The following DIPK1A variants were observed in gnomAD, a reference collection of about 807,000 sequenced individuals.
DIPK1A encodes family with sequence similarity 69 member A.
DIPK1A carries 27 observed loss-of-function variants against 40.8 expected under a neutral mutation model. The observed-to-expected ratio is 0.66, with a 90% CI of 0.49 to 0.91. The LOEUF (loss-of-function observed/expected upper bound fraction) is 0.91. Ranked by LOEUF, DIPK1A falls within the 40% of genes least tolerant of loss-of-function variation. The pLI is 0.00. For synonymous variants in DIPK1A, 166 were observed against 171.3 expected, an observed-to-expected ratio of 0.97 and a Z score of 0.24; for missense variants, 412 against 505.7, an observed-to-expected ratio of 0.81 and a Z score of 1.78.
chr1:92,879,179 CA>C (rs1392377903), intron 1 of DIPK1A, among the ~76,000 whole-genome samples: 1 of 151,454 alleles, frequency 6.6e-6, no homozygotes, highest in Non-Finnish European at 1.5e-5. Context: ...GACCCTGTTG[CA>C]AAAAAAGAGA....
rs1431055695 is a variant in DIPK1A, at chr1:92,961,452, G to A, written c.-23C>T. 2.0e-6 allele frequency: 3 copies of A among 1,476,776 alleles called. No individual in the cohort carries two copies. Among genetic ancestry groups the A allele is most frequent in the Non-Finnish European group, 2.7e-6 (3 of 1,106,624 alleles). 91.5% of individuals were successfully genotyped at this position (1,476,776 alleles called of 1,614,324 possible). A position where few individuals can be genotyped will look rare whatever the true frequency, so the allele number is the denominator to read the frequency against. On this transcript the variant is annotated 5_prime_UTR_variant, in exon 1 of 5. Transcript: ENST00000370310. ...CATGGTAATCACACATCGCCCCGCC[G>A]CGCTGCAGTCAGAGGCGGACCCGAG...
intron 1 of DIPK1A, among the ~76,000 whole-genome samples, chr1:92,935,493 G>A (rs1163853355): frequency 1.3e-5 from 2 of 151,874 alleles, no homozygotes; most frequent in African/African-American, 4.8e-5. Context: ...TAAAAATTAC[G>A]GCTCAATATA....
At chr1:92,895,988 C>T (rs1226320544) in intron 1 of DIPK1A, among the ~76,000 whole-genome samples, 1 of 152,044 alleles carries the variant, frequency 6.6e-6, no homozygotes, top group East Asian at 1.9e-4. Context: ...CAAACCACTG[C>T]TCAAGGAAAT....
intron 1 of DIPK1A, among the ~76,000 whole-genome samples, chr1:92,943,100 T>C (rs980029257): frequency 6.6e-5 from 10 of 152,214 alleles, no homozygotes; most frequent in African/African-American, 2.4e-4. Flanking sequence ...TAAAGATACA[T>C]GTTTGCTACT....
intron 2 of DIPK1A, among the ~76,000 whole-genome samples, chr1:92,865,609 C>T (rs1462158080): frequency 6.6e-6 from 1 of 152,168 alleles, no homozygotes; most frequent in Non-Finnish European, 1.5e-5. Flanking sequence ...TTATCCATCT[C>T]ACTAGAGTCA....
chr1:92,843,181 T>TAAAAGGGCAGGAATGA lies in DIPK1A; in HGVS notation c.*186_*201dup. On this transcript the variant is annotated 3_prime_UTR_variant, in exon 5 of 5. Transcript: ENST00000370310. ...TACTTCGGAGATGTAACAGGGCTTC[T>TAAAAGGGCAGGAATGA]AAAAGGGCAGGAATGACATCTTGGG... The TAAAAGGGCAGGAATGA allele has an allele frequency of 7.5e-7, 1 of 1,334,416 alleles. No individual in the cohort carries two copies. Among genetic ancestry groups the TAAAAGGGCAGGAATGA allele is most frequent in the Non-Finnish European group, 9.6e-7 (1 of 1,039,400 alleles). 82.7% of individuals were successfully genotyped at this position (1,334,416 alleles called of 1,614,324 possible).
chr1:92,959,966 G>C (rs928605954), intron 1 of DIPK1A, among the ~76,000 whole-genome samples: 1 of 116,090 alleles, frequency 8.6e-6, no homozygotes, highest in African/African-American at 3.4e-5. Flanking sequence ...ATGTTGCCCA[G>C]GCTGGTCTCA....
chr1:92,904,645 TTTTC>T (rs1463339320), intron 1 of DIPK1A, among the ~76,000 whole-genome samples: 1 of 152,090 alleles, frequency 6.6e-6, no homozygotes, highest in Non-Finnish European at 1.5e-5. Flanking sequence ...AGCATTTATT[TTTTC>T]TTTATGTTAT....
chr1:92,911,376 C>A (rs182293322), intron 1 of DIPK1A, among the ~76,000 whole-genome samples: 10 of 152,246 alleles, frequency 6.6e-5, no homozygotes, highest in Admixed American at 5.9e-4. Flanking sequence ...TCTGCAGGTA[C>A]CTTGTTCTTG....
intron 1 of DIPK1A, among the ~76,000 whole-genome samples, chr1:92,939,154 G>A (rs564369953): frequency 3.0e-4 from 46 of 151,984 alleles, no homozygotes; most frequent in Middle Eastern, 3.4e-3. Context: ...TGCCCACCTC[G>A]GCCTCTCAAA....
At position 92,926,285 on chromosome 1, in the gene DIPK1A, T is replaced by C. The variant is rs148180304; in HGVS notation, c.54+35091A>G. 8.7e-3 allele frequency among the ~76,000 whole-genome samples: 1,322 copies of C among 152,342 alleles called. 11 individuals are homozygous for C. Among genetic ancestry groups the C allele is most frequent in the Non-Finnish European group, 0.012 (800 of 68,022 alleles). On this transcript the variant is annotated intron_variant, in intron 1 of 4. Coordinates refer to ENST00000370310, the MANE Select transcript of DIPK1A (RefSeq NM_001006605.5). ...ATTCAGTTCAAAATATTTTCAGAAATACACTATCTAATTTCCAAATCTTTG... is the reference window on the plus strand; with the variant it reads ...ATTCAGTTCAAAATATTTTCAGAAACACACTATCTAATTTCCAAATCTTTG...
intron 2 of DIPK1A, among the ~76,000 whole-genome samples, chr1:92,857,920 G>A (rs1401161863): frequency 6.6e-6 from 1 of 152,170 alleles, no homozygotes; most frequent in Non-Finnish European, 1.5e-5. Flanking sequence ...AGCACCGACT[G>A]TGTCAGATAC....
chr1:92,882,767 G>GA lies in DIPK1A; in HGVS notation c.55-6338dup, dbSNP rs566143243. On this transcript the variant is annotated intron_variant, in intron 1 of 4. Coordinates refer to ENST00000370310, the MANE Select transcript of DIPK1A (RefSeq NM_001006605.5). ...TACTTTTCTCTTCAACTTCTGTAAGGAAAAAAAATCCACATAATATGGAGC... is the reference window on the plus strand; with the variant it reads ...TACTTTTCTCTTCAACTTCTGTAAGGAAAAAAAAATCCACATAATATGGAGC... Among the ~76,000 whole-genome samples, 75 of 151,926 alleles carry GA rather than the reference G, an allele frequency of 4.9e-4. 1 individual carries two copies. The highest frequency in any genetic ancestry group is 1.5e-3 in the African/African-American group (63 of 41,414).
chr1:92,918,732 TC>T (rs1650152251), intron 1 of DIPK1A, among the ~76,000 whole-genome samples: 1 of 152,080 alleles, frequency 6.6e-6, no homozygotes, highest in Admixed American at 6.6e-5. Context: ...CTTTTTCACA[TC>T]AGGGACGGGT....
At chr1:92,854,902 T>C (rs1420359259) in intron 2 of DIPK1A, among the ~76,000 whole-genome samples, 12 of 152,152 alleles carry the variant, frequency 7.9e-5, no homozygotes, top group Non-Finnish European at 1.8e-4. Context: ...GAGGCCTCAT[T>C]AGGAGGAGCT....
At chr1:92,872,747 A>C (rs568533497) in intron 2 of DIPK1A, among the ~76,000 whole-genome samples, 2 of 152,340 alleles carry the variant, frequency 1.3e-5, no homozygotes, top group Non-Finnish European at 2.9e-5. Flanking sequence ...ACTTATGTCC[A>C]AGGGTATATA....
chr1:92,923,880 C>T (rs563071081), intron 1 of DIPK1A, among the ~76,000 whole-genome samples: 19 of 152,158 alleles, frequency 1.2e-4, no homozygotes, highest in East Asian at 3.9e-4. Context: ...TGGAATATTT[C>T]GAAACAAAAC....
chr1:92,837,903 G>A, downstream of DIPK1A: 2 of 446,884 alleles, frequency 4.5e-6, no homozygotes, highest in South Asian at 4.4e-5. Context: ...TGGATAAGAG[G>A]TGCTAGATAA....
chr1:92,959,903 C>CTTTTTTTTTTTTTTTTTTTTTTTTTT (rs1157142089), intron 1 of DIPK1A, among the ~76,000 whole-genome samples: 16 of 47,872 alleles, frequency 3.3e-4, no homozygotes, highest in African/African-American at 6.6e-4. Context: ...ACCCAACCAA[C>CTTTTTTTTTTTTTTTTTTTTTTTTTT]TTTTTTTTTT....
Sources: allele counts gnomAD v4.1 joint callset (sites outside exome capture counted in the v4.1 genomes callset), GRCh38; gene constraint gnomAD v4.1.1; transcripts MANE v1.5; gene names NCBI Gene and HGNC (gene_info 2026-07-23, HGNC 2026-07-21).